Variants in SMC3 observed in about 807,000 individuals in gnomAD.
SMC3 encodes the protein structural maintenance of chromosomes protein 3.
Under a neutral mutation model 171.8 loss-of-function variants are expected in SMC3, and 20 were observed. The observed-to-expected ratio is 0.12, with a 90% confidence interval of 0.08 to 0.17. The LOEUF (loss-of-function observed/expected upper bound fraction) is 0.17. SMC3 is among the 10% of genes least tolerant of loss of function. SMC3 has a pLI of 1.00. For missense variants in SMC3, 543 were observed against 1,420.4 expected, an observed-to-expected ratio of 0.38 and a Z score of 9.93; for synonymous variants, 464 against 451.1, an observed-to-expected ratio of 1.03 and a Z score of -0.36.
At chr10:110,580,836 C>G in intron 7 of SMC3, 68 bp from the exon 8 acceptor site, 2 of 860,580 alleles carry the variant, frequency 2.3e-6, no homozygotes, top group South Asian at 1.3e-5. Flanking sequence ...AAAAACCTTT[C>G]AACGTGGAGT....
At chr10:110,599,450 T>C (rs1235905154) in intron 20 of SMC3, among the ~76,000 whole-genome samples, 2 of 149,332 alleles carry the variant, frequency 1.3e-5, no homozygotes, top group African/African-American at 4.9e-5. Flanking sequence ...TCATGGAATA[T>C]GATCTGCCCC....
intron 4 of SMC3, 28 bp from the exon 5 acceptor site, chr10:110,577,393 G>T (rs751632513): frequency 6.5e-7 from 1 of 1,543,976 alleles, no homozygotes; most frequent in Non-Finnish European, 9.0e-7. Flanking sequence ...AACTTAAATG[G>T]CAAATTTCTC....
intron 15 of SMC3, 56 bp from the exon 16 acceptor site, chr10:110,590,356 C>G: frequency 2.1e-6 from 3 of 1,433,202 alleles, no homozygotes; most frequent in Non-Finnish European, 2.9e-6. Context: ...TCATTCCTTA[C>G]CAGGAGTGCC....
At chr10:110,590,868 T>G in intron 16 of SMC3, 123 bp from the exon 17 acceptor site, 1 of 888,612 alleles carries the variant, frequency 1.1e-6, no homozygotes, top group Admixed American at 2.3e-5. Context: ...TTATAACATT[T>G]TAAAAGTGCA....
chr10:110,603,368 A>G (rs1861416519), intron 28 of SMC3, 78 bp downstream of exon 28: 1 of 924,600 alleles, frequency 1.1e-6, no homozygotes, highest in South Asian at 1.5e-5. Flanking sequence ...TGTTACTTAA[A>G]TAGTGAAAGA....
chr10:110,581,087 CCATGA>C lies in SMC3; in HGVS notation c.547+67_547+71del, dbSNP rs569640030. ...TTACTGTTTTTGTGACAGAGTGGCT[CCATGA>C]TGGGAATATAGTAGGTGTTTAGTAT... On this transcript the variant is annotated intron_variant, in intron 8 of 28. Transcript: ENST00000361804. 3.5e-5 allele frequency: 30 copies of C among 857,112 alleles called. No homozygotes were observed. In the African/African-American group the frequency reaches 4.5e-4, roughly 13 times the overall value. The allele number at this position is 857,112 out of a possible 1,614,324, so 53.1% of individuals were successfully genotyped here. A position where few individuals can be genotyped will look rare whatever the true frequency, so the allele number is the denominator to read the frequency against.
intron 18 of SMC3, among the ~76,000 whole-genome samples, chr10:110,596,021 TGAGG>T (rs1861295080): frequency 6.8e-6 from 1 of 147,732 alleles, no homozygotes; most frequent in African/African-American, 2.5e-5. Context: ...GAGGATCACT[TGAGG>T]GCAGGAGTTC....
chr10:110,581,216 C>CTTT lies in SMC3; in HGVS notation c.547+212_547+214dup, dbSNP rs59798192. On this transcript the variant is annotated intron_variant, in intron 8 of 28. Coordinates refer to ENST00000361804, the MANE Select transcript of SMC3 (RefSeq NM_005445.4). ...AAAATATTGTGGAAACGCACACTGA[C>CTTT]TTTTTTTTTTTTTTTTTTTGAGATG... Among the ~76,000 whole-genome samples, 403 of 103,152 alleles carry CTTT rather than the reference C, an allele frequency of 3.9e-3. 6 individuals carry two copies. Among genetic ancestry groups the CTTT allele is most frequent in the Non-Finnish European group, 6.0e-3 (297 of 49,474 alleles). The allele number at this position is 103,152 out of a possible 152,430, so 67.7% of individuals were successfully genotyped here.
At chr10:110,597,805 T>C (rs1203321921) in intron 19 of SMC3, among the ~76,000 whole-genome samples, 1 of 152,232 alleles carries the variant, frequency 6.6e-6, no homozygotes, top group Non-Finnish European at 1.5e-5. Context: ...ACAGTAAACA[T>C]TTGTTGAATG....
intron 19 of SMC3, 61 bp downstream of exon 19, chr10:110,596,611 CCA>C: frequency 6.7e-7 from 1 of 1,495,768 alleles, no homozygotes; most frequent in Non-Finnish European, 9.2e-7. Context: ...GTTTTGGTTG[CCA>C]TATATAATCT....
intron 20 of SMC3, among the ~76,000 whole-genome samples, chr10:110,599,085 C>T (rs1328440924): frequency 1.3e-5 from 2 of 151,632 alleles, no homozygotes; most frequent in Non-Finnish European, 2.9e-5. Context: ...ACCATCCCAA[C>T]CATATTCTGA....
chr10:110,573,677 A>G, intron 2 of SMC3, 30 bp from the exon 3 acceptor site: 1 of 1,506,882 alleles, frequency 6.6e-7, no homozygotes, highest in Admixed American at 1.7e-5. Flanking sequence ...TTTTTATGTA[A>G]AATAACTTGT....
chr10:110,596,635 A>C (rs1198560999), intron 19 of SMC3, 85 bp downstream of exon 19: 1 of 1,294,198 alleles, frequency 7.7e-7, no homozygotes, highest in Non-Finnish European at 1.1e-6. Flanking sequence ...TTGTTTTTTC[A>C]CATATTAAAA....
chr10:110,581,780 G>T (rs1032462181), intron 8 of SMC3, 143 bp from the exon 9 acceptor site: 18 of 839,726 alleles, frequency 2.1e-5, no homozygotes, highest in Non-Finnish European at 3.2e-5. Context: ...TGCTATTTTA[G>T]TATTTTAAAT....
At chr10:110,596,356 TA>T (rs915320737) in intron 18 of SMC3, 41 bp from the exon 19 acceptor site, 7 of 1,548,486 alleles carry the variant, frequency 4.5e-6, no homozygotes, top group Non-Finnish European at 5.2e-6. Flanking sequence ...TATCATTGAA[TA>T]AAAAAGTTGT....
chr10:110,601,528 C>A, intron 23 of SMC3, 109 bp from the exon 24 acceptor site: 1 of 1,227,200 alleles, frequency 8.1e-7, no homozygotes, highest in Non-Finnish European at 1.2e-6. Flanking sequence ...AAATTTTAAA[C>A]ACAAAACCTA....
chr10:110,575,161 T>G (rs1485946239), intron 3 of SMC3, among the ~76,000 whole-genome samples, 175 bp from the exon 4 acceptor site: 1 of 152,224 alleles, frequency 6.6e-6, no homozygotes, highest in Non-Finnish European at 1.5e-5. Context: ...ATTTCCTACC[T>G]GATTAGTCTG....
intron 7 of SMC3, 24 bp from the exon 8 acceptor site, chr10:110,580,880 T>C (rs778649335): frequency 1.6e-6 from 2 of 1,231,446 alleles, no homozygotes; most frequent in South Asian, 1.2e-5. Context: ...AGCTATGTAA[T>C]GATTATTTTT....
rs1861438562 is a variant in SMC3 at position 110,604,467 on chromosome 10, C to A, written c.*165C>A. 7 of 561,192 alleles carry A rather than the reference C, an allele frequency of 1.2e-5. No homozygotes were observed. Among genetic ancestry groups the A allele is most frequent in the South Asian group, 4.4e-5 (2 of 44,984 alleles). The allele number at this position is 561,192 out of a possible 1,614,324, so 34.8% of individuals were successfully genotyped here. A position where few individuals can be genotyped will look rare whatever the true frequency, so the allele number is the denominator to read the frequency against. ...TATTTTATAAGATACTCTGTAATGTCATGTTTGTACTGATAGTTTAAGAAT... is the reference window on the plus strand; with the variant it reads ...TATTTTATAAGATACTCTGTAATGTAATGTTTGTACTGATAGTTTAAGAAT... On this transcript the variant is annotated 3_prime_UTR_variant, in exon 29 of 29. Transcript: ENST00000361804.
Sources: allele counts gnomAD v4.1 joint callset (sites outside exome capture counted in the v4.1 genomes callset), GRCh38; gene constraint gnomAD v4.1.1; transcripts MANE v1.5; gene names NCBI Gene and HGNC (gene_info 2026-07-23, HGNC 2026-07-21).